Variants in BOD1L1 observed in about 807,000 individuals in gnomAD.
BOD1L1 encodes the protein biorientation of chromosomes in cell division protein 1-like 1.
In BOD1L1, 86 loss-of-function variants were observed where a neutral mutation model predicts 240.7. That is an observed-to-expected ratio of 0.36 (90% CI 0.30 to 0.43). BOD1L1 has a LOEUF of 0.43. Among genes scored for constraint, BOD1L1 ranks in the 20% least tolerant of loss-of-function variants. The pLI, the probability that BOD1L1 is intolerant of heterozygous loss-of-function variation, is 1.00. For synonymous variants in BOD1L1, 1,268 were observed against 1,272.3 expected, an observed-to-expected ratio of 1.00 and a Z score of 0.07; for missense variants, 3,554 against 3,643.5, an observed-to-expected ratio of 0.98 and a Z score of 0.63.
At position 13,600,471 on chromosome 4, in the gene BOD1L1, C is replaced by T. The variant is rs1169265227; in HGVS notation, c.6429G>A (p.Met2143Ile). The T allele has an allele frequency of 6.2e-7, 1 of 1,613,814 alleles. No homozygotes were observed. Among genetic ancestry groups the T allele is most frequent in the East Asian group, 2.2e-5 (1 of 44,878 alleles). ...ATTCTTCCCCTATGCTTGTGGAAAT[C>T]ATGGCACACTCATCTTTCTCTTCAC... ...SRSEEKDECA[M>I]ISTSIGEEFE... Residue 2143 changes from methionine to isoleucine, a missense_variant, in exon 10 of 26, where the codon ATG becomes ATA. Coordinates refer to ENST00000040738, the MANE Select transcript of BOD1L1 (RefSeq NM_148894.3).
chr4:13,614,329 A>G lies in BOD1L1; in HGVS notation c.1041T>C (p.Asp347=). ...GTGTATCTTCACTCTTTTTTGAGTG[A>G]TCAAATTTCTTTTCAGTCTTTTCCT... The part of the protein sequence containing the change: ...EKKEKTEKKF[D]HSKKSEDTQK... The change falls in exon 4 of 26, where the codon GAT becomes GAC. Residue 347 remains aspartate (D), a synonymous_variant. Transcript: ENST00000040738. The G allele has an allele frequency of 6.5e-7, 1 of 1,549,850 alleles. No individual in the cohort carries two copies. Among genetic ancestry groups the G allele is most frequent in the Non-Finnish European group, 8.7e-7 (1 of 1,146,678 alleles).
Position 13,602,100 on chromosome 4 carries a change from A to G in BOD1L1, c.4800T>C (p.Phe1600=), listed in dbSNP as rs1231713380. 1 of 1,613,904 alleles carries G rather than the reference A, an allele frequency of 6.2e-7. No individual in the cohort carries two copies. Among genetic ancestry groups the G allele is most frequent in the Non-Finnish European group, 8.5e-7 (1 of 1,179,910 alleles). ...EEGGAVVTEG[F]AESETFLTST... is the part of the protein sequence containing the mutation. ...TTGTGAGGAAGGTTTCACTTTCAGC[A>G]AATCCCTCTGTGACAACAGCCCCAC... The change falls in exon 10 of 26, where the codon TTT becomes TTC. Residue 1600 remains phenylalanine, a synonymous_variant. Coordinates refer to ENST00000040738, the MANE Select transcript of BOD1L1 (RefSeq NM_148894.3).
chr4:13,602,664 T>C lies in BOD1L1; in HGVS notation c.4236A>G (p.Lys1412=), dbSNP rs1490583369. The change falls in exon 10 of 26, where the codon AAA becomes AAG. Residue 1412 remains lysine (K), a synonymous_variant. Coordinates refer to ENST00000040738, the MANE Select transcript of BOD1L1 (RefSeq NM_148894.3). Reference sequence around the variant, plus strand: ...TGGGCTCTGCATTTAAGTCATTTTCTTTCTTGGCCATGTCCACTAAGCCAC... The same window carrying C: ...TGGGCTCTGCATTTAAGTCATTTTCCTTCTTGGCCATGTCCACTAAGCCAC... The part of the protein sequence containing the change: ...KEGGLVDMAK[K]ENDLNAEPNL... 2 of 1,613,942 alleles carry C rather than the reference T, an allele frequency of 1.2e-6. No individual in the cohort carries two copies. The highest frequency in any genetic ancestry group is 8.5e-7 in the Non-Finnish European group (1 of 1,179,908).
rs577056194 is a variant in BOD1L1, at chr4:13,611,404, C to T, written c.1325-304G>A. 5.3e-4 allele frequency among the ~76,000 whole-genome samples: 81 copies of T among 152,296 alleles called. No individual in the cohort carries two copies. In the Middle Eastern group the frequency reaches 0.01, roughly 19 times the overall value. ...AGCAAAGAATGATTCATGACTCAGG[C>T]GTTGGAACCAGGAGAGGTTCTGAGA... On this transcript the variant is annotated intron_variant, in intron 5 of 25. Transcript: ENST00000040738.
intron 15 of BOD1L1, 145 bp downstream of exon 15, chr4:13,588,577 A>G (rs1405504348): frequency 1.5e-6 from 1 of 645,730 alleles, no homozygotes; most frequent in Non-Finnish European, 2.6e-6. Flanking sequence ...GGGCATATAC[A>G]GGTAAAAGTG....
chr4:13,574,797 G>A (rs995898549), intron 25 of BOD1L1, among the ~76,000 whole-genome samples: 4 of 152,188 alleles, frequency 2.6e-5, no homozygotes, highest in Non-Finnish European at 5.9e-5. Context: ...AGCCGTGTGA[G>A]CTTCTAGAGT....
intron 25 of BOD1L1, 62 bp from the exon 26 acceptor site, chr4:13,570,190 G>C: frequency 1.6e-6 from 2 of 1,225,118 alleles, no homozygotes; most frequent in Non-Finnish European, 2.2e-6. Context: ...AATAACTTGG[G>C]AGTTCCTTAA....
In BOD1L1 at chr4:13,599,298, T is replaced by C; in HGVS notation, c.7602A>G (p.Ile2534Met). 6.2e-7 allele frequency: 1 copy of C among 1,613,822 alleles called. No individual in the cohort carries two copies. Among genetic ancestry groups the C allele is most frequent in the Middle Eastern group, 1.6e-4 (1 of 6,062 alleles). The change falls in exon 10 of 26, where the codon ATA (isoleucine) becomes ATG (methionine). Residue 2534 changes from isoleucine (I) to methionine (M), a missense_variant. Around this residue, in one of 2 missense-constraint regions of BOD1L1, gnomAD observed 3,393 missense variants for 3,427.1 expected, o/e 0.99. Coordinates refer to ENST00000040738, the MANE Select transcript of BOD1L1 (RefSeq NM_148894.3). ...RYLAAVNTGA[I>M]KADDMPPVQG... is the part of the protein sequence containing the mutation. ...GAACAGGTGGCATGTCATCAGCTTT[T>C]ATAGCACCGGTGTTTACTGCTGCCA...
chr4:13,595,746 G>T, intron 12 of BOD1L1, 114 bp downstream of exon 12: 2 of 684,348 alleles, frequency 2.9e-6, no homozygotes, highest in Non-Finnish European at 4.9e-6. Flanking sequence ...AAAGTGAGAG[G>T]CAAGTTAATA....
At position 13,603,564 on chromosome 4, in the gene BOD1L1, T is replaced by C. The variant is rs773315935; in HGVS notation, c.3336A>G (p.Thr1112=). 3.0e-5 allele frequency: 48 copies of C among 1,613,946 alleles called. No individual in the cohort carries two copies. The highest frequency in any genetic ancestry group is 4.1e-5 in the Non-Finnish European group (48 of 1,179,908). ...CCATTGGCTCTTGTTCAGGGATCAA[T>C]GTCATATCACCACTCTTTTTTGGTC... is the stretch of plus-strand genomic sequence containing the variant. ...LQRPKKSGDM[T]LIPEQEPMEI... The change falls in exon 10 of 26, where the codon ACA becomes ACG. Residue 1112 remains threonine, a synonymous_variant. Transcript: ENST00000040738.
Position 13,601,265 on chromosome 4 carries a change from C to A in BOD1L1, c.5635G>T (p.Glu1879Ter). ...GTACAAGTTGAAGCATGCCCAATTTCATTTCCTCTTCCAGTACTAGTCACA... is the reference window on the plus strand; with the variant it reads ...GTACAAGTTGAAGCATGCCCAATTTAATTTCCTCTTCCAGTACTAGTCACA... The part of the protein sequence containing the change: ...DVVTSTGRGN[E>*]IGHASTCTGL... The change falls in exon 10 of 26, where the codon GAA becomes TAA. Residue 1879 changes from glutamate to a stop codon, truncating the protein, a stop_gained. Coordinates refer to ENST00000040738, the MANE Select transcript of BOD1L1 (RefSeq NM_148894.3). LOFTEE classifies it high-confidence loss of function. The A allele has an allele frequency of 6.2e-7, 1 of 1,613,998 alleles. No individual in the cohort carries two copies.
chr4:13,608,688 TA>T lies in BOD1L1; in HGVS notation c.1604-21del. On this transcript the variant is annotated intron_variant, in intron 7 of 25. Coordinates refer to ENST00000040738, the MANE Select transcript of BOD1L1 (RefSeq NM_148894.3). ...TCCTGCCTAGAAAAGAAGCAATCAA[TA>T]AAACGTATTTCAGAAAAGTTTTACA... is the stretch of plus-strand genomic sequence containing the variant. 1 of 1,404,764 alleles carries T rather than the reference TA, an allele frequency of 7.1e-7. No homozygotes were observed. The highest frequency in any genetic ancestry group is 9.3e-7 in the Non-Finnish European group (1 of 1,076,094). The allele number at this position is 1,404,764 out of a possible 1,614,324, so 87.0% of individuals were successfully genotyped here.
Position 13,599,802 on chromosome 4 carries a change from T to C in BOD1L1, c.7098A>G (p.Thr2366=), listed in dbSNP as rs1315268437. Residue 2366 remains threonine, a synonymous_variant, in exon 10 of 26, where the codon ACA becomes ACG. Coordinates refer to ENST00000040738, the MANE Select transcript of BOD1L1 (RefSeq NM_148894.3). The part of the protein sequence containing the change: ...NPEGNGDLSA[T]EVSKHKVPMP... ...TGGGGACCTTGTGCTTGCTCACTTC[T>C]GTGGCTGACAGGTCACCGTTCCCTT... 2.5e-6 allele frequency: 4 copies of C among 1,614,068 alleles called. No homozygotes were observed. The highest frequency in any genetic ancestry group is 8.5e-7 in the Non-Finnish European group (1 of 1,179,902).
At chr4:13,595,781 G>A (rs751816375) in intron 12 of BOD1L1, 79 bp downstream of exon 12, 119 of 1,103,580 alleles carry the variant, frequency 1.1e-4, no homozygotes, top group Non-Finnish European at 1.6e-4. Flanking sequence ...CTATGCATCA[G>A]CTATTGATTT....
intron 12 of BOD1L1, chr4:13,592,207 G>T (rs1052254102): frequency 2.2e-6 from 1 of 461,200 alleles, no homozygotes; most frequent in Non-Finnish European, 3.9e-6. Flanking sequence ...TTATAATAAC[G>T]GCAGTGGTAT....
At position 13,603,877 on chromosome 4, in the gene BOD1L1, G is replaced by C; in HGVS notation, c.3023C>G (p.Thr1008Ser). 4 of 1,613,716 alleles carry C rather than the reference G, an allele frequency of 2.5e-6. No homozygotes were observed. The highest frequency in any genetic ancestry group is 1.7e-5 in the Admixed American group (1 of 60,022). Reference sequence around the variant, plus strand: ...CAACTTTCTCTCAAGCCTGGTGGAAGTGGAGTCTTTATCACTCTTATATTT... The same window carrying C: ...CAACTTTCTCTCAAGCCTGGTGGAACTGGAGTCTTTATCACTCTTATATTT... ...KEKYKSDKDS[T>S]STRLERKLSD... is the part of the protein sequence containing the mutation. Residue 1008 changes from threonine to serine, a missense_variant, in exon 10 of 26, where the codon ACT becomes AGT. Coordinates refer to ENST00000040738, the MANE Select transcript of BOD1L1 (RefSeq NM_148894.3).
At position 13,573,466 on chromosome 4, in the gene BOD1L1, ATCTATCTT is replaced by A. The variant is rs1438349428; in HGVS notation, c.9039-3346_9039-3339del. On this transcript the variant is annotated intron_variant, in intron 25 of 25. Transcript: ENST00000040738. ...TGTCTATCTATCTATCTATCTATCT[ATCTATCTT>A]TCTTTCTTTCTTTCTTTCTTTTGAG... Among the ~76,000 whole-genome samples the A allele has an allele frequency of 8.1e-3, 886 of 109,932 alleles. 6 individuals are homozygous for A. The highest frequency in any genetic ancestry group is 0.022 in the African/African-American group (770 of 35,356). 72.1% of individuals were successfully genotyped at this position (109,932 alleles called of 152,430 possible).
intron 1 of BOD1L1, among the ~76,000 whole-genome samples, chr4:13,622,744 C>T (rs1229512922): frequency 1.2e-4 from 19 of 152,186 alleles, no homozygotes; most frequent in Non-Finnish European, 1.5e-5. Flanking sequence ...ATCAGGTAAC[C>T]ATGTAATTTA....
chr4:13,581,258 C>T (rs1577316673), intron 19 of BOD1L1, 51 bp from the exon 20 acceptor site: 2 of 1,265,824 alleles, frequency 1.6e-6, no homozygotes, highest in Non-Finnish European at 2.2e-6. Flanking sequence ...AAATTTTATC[C>T]TTTATTATAT....
Sources: gnomAD v4.1 joint callset for allele counts (sites outside exome capture counted in the v4.1 genomes callset) on GRCh38, gnomAD v4.1.1 for gene constraint, gnomAD v4.1.1 regional missense constraint, MANE v1.5 for transcripts, NCBI Gene and HGNC (gene_info 2026-07-23, HGNC 2026-07-21) for gene names.